The following FANCD2 variants were observed in gnomAD, a reference collection of about 807,000 sequenced individuals.
FANCD2 encodes Fanconi anemia group D2 protein.
In FANCD2, 131 loss-of-function variants were observed where a neutral mutation model predicts 192.3. That is an observed-to-expected ratio of 0.68 (90% CI 0.59 to 0.79). The LOEUF (loss-of-function observed/expected upper bound fraction) is 0.79, where lower values mean the gene tolerates loss of function less well. FANCD2 is among the 30% of genes least tolerant of loss of function. The probability of loss-of-function intolerance (pLI) is 0.00; values close to 1 mark genes in which losing one functional copy is unlikely to be tolerated. For missense variants in FANCD2, 1,508 were observed against 1,701.6 expected, an observed-to-expected ratio of 0.89 and a Z score of 2.00; for synonymous variants, 524 against 612.5, an observed-to-expected ratio of 0.86 and a Z score of 2.13.
intron 15 of FANCD2, among the ~76,000 whole-genome samples, 198 bp downstream of exon 15, chr3:10,046,921 G>C (rs1371366328): frequency 6.6e-6 from 1 of 152,292 alleles, no homozygotes; most frequent in Non-Finnish European, 1.5e-5. Flanking sequence ...TATTTAAGTA[G>C]CTTATAAAAA....
intron 2 of FANCD2, among the ~76,000 whole-genome samples, chr3:10,031,971 G>A (rs925338222): frequency 1.4e-4 from 22 of 151,964 alleles, no homozygotes; most frequent in African/African-American, 4.8e-4. Context: ...TCAGCCTCCC[G>A]AGTAGTTGGT....
At chr3:10,032,078 C>T (rs1003986881) in intron 2 of FANCD2, among the ~76,000 whole-genome samples, 3 of 152,098 alleles carry the variant, frequency 2.0e-5, no homozygotes, top group Admixed American at 1.3e-4. Context: ...CTCCTGACCT[C>T]AGGTAATCAG....
chr3:10,040,352 A>G (rs2124986696), intron 9 of FANCD2: 1 of 376,664 alleles, frequency 2.7e-6, no homozygotes, highest in South Asian at 2.0e-5. Context: ...ACTTTCTTTT[A>G]AATGGTATAC....
intron 24 of FANCD2, 121 bp from the exon 25 acceptor site, chr3:10,065,743 C>T: frequency 4.0e-6 from 3 of 744,020 alleles, no homozygotes; most frequent in African/African-American, 1.7e-5. Flanking sequence ...TTAATCAGAT[C>T]TTGGCCTTCA....
intron 26 of FANCD2, among the ~76,000 whole-genome samples, chr3:10,071,892 C>G (rs542354866): frequency 6.6e-6 from 1 of 150,974 alleles, no homozygotes; most frequent in Non-Finnish European, 1.5e-5. Context: ...CCTGAGTAGC[C>G]GGGACTAGAA....
intron 3 of FANCD2, among the ~76,000 whole-genome samples, chr3:10,034,219 G>C (rs535022465): frequency 5.0e-4 from 75 of 151,328 alleles, no homozygotes; most frequent in Non-Finnish European, 8.8e-4. Flanking sequence ...AGCTACTTGG[G>C]GGGGCTGAGG....
rs2087666489 is a variant in FANCD2, at chr3:10,064,721, C to A, written c.2022-8C>A. On this transcript the variant is annotated splice_region_variant and splice_polypyrimidine_tract_variant and intron_variant, in intron 22 of 43. Transcript: ENST00000675286. ...GCTGCAACATCAGATTCTGGTTTTT[C>A]TCCGCAGTGACTTTCCATTTCCTGT... 1 of 1,613,970 alleles carries A rather than the reference C, an allele frequency of 6.2e-7. No individual in the cohort carries two copies. Among genetic ancestry groups the A allele is most frequent in the African/African-American group, 1.3e-5 (1 of 74,944 alleles).
intron 12 of FANCD2, 37 bp from the exon 13 acceptor site, chr3:10,043,447 G>T: frequency 6.5e-7 from 1 of 1,528,050 alleles, no homozygotes; most frequent in Non-Finnish European, 9.1e-7. Flanking sequence ...TTTCTGGTAC[G>T]TAGAAGAGTA....
At chr3:10,084,133 A>G (rs1282054776) in intron 32 of FANCD2, among the ~76,000 whole-genome samples, 1 of 151,760 alleles carries the variant, frequency 6.6e-6, no homozygotes, top group Non-Finnish European at 1.5e-5. Context: ...AGCTGAGATT[A>G]CATGCGCCTG....
At chr3:10,092,299 A>G (rs1428720643) in intron 38 of FANCD2, 47 bp downstream of exon 38, 1 of 1,426,674 alleles carries the variant, frequency 7.0e-7, no homozygotes, top group Admixed American at 1.7e-5. Flanking sequence ...AACTGCAGAA[A>G]CCAAGTGTCC....
chr3:10,028,111 T>TA (rs1437450211), intron 1 of FANCD2, among the ~76,000 whole-genome samples: 1 of 151,854 alleles, frequency 6.6e-6, no homozygotes, highest in Non-Finnish European at 1.5e-5. Flanking sequence ...TGCTTCTCTT[T>TA]ACCACCCTTA....
intron 30 of FANCD2, among the ~76,000 whole-genome samples, chr3:10,079,680 A>G (rs186586094): frequency 9.2e-5 from 14 of 152,184 alleles, no homozygotes; most frequent in African/African-American, 3.4e-4. Context: ...CTTTACTTGA[A>G]TTTTGGTTTC....
chr3:10,069,508 C>T (rs529823667), intron 26 of FANCD2, among the ~76,000 whole-genome samples: 1 of 140,066 alleles, frequency 7.1e-6, no homozygotes, highest in East Asian at 2.5e-4. Context: ...CCCTCTGATG[C>T]CGAGCCAAAG....
In FANCD2 at chr3:10,093,316, G is replaced by A. The variant is rs774102652; in HGVS notation, c.3881G>A (p.Cys1294Tyr). 1 of 1,612,526 alleles carries A rather than the reference G, an allele frequency of 6.2e-7. No individual in the cohort carries two copies. The highest frequency in any genetic ancestry group is 8.5e-7 in the Non-Finnish European group (1 of 1,178,540). Residue 1294 changes from cysteine (C) to tyrosine (Y), a missense_variant, in exon 39 of 44, where the codon TGT (cysteine) becomes TAT (tyrosine). Cys to Tyr is a radical substitution (Grantham distance 194). Around this residue, in one of 5 missense-constraint regions of FANCD2, gnomAD observed 796 missense variants for 879.4 expected, o/e 0.91. Coordinates refer to ENST00000675286, the MANE Select transcript of FANCD2 (RefSeq NM_001018115.3). The stretch of plus-strand genomic sequence containing the variant: ...GATAGTCATCCTGTTCTGCATGTAT[G>A]TTTGAAGGTGAGAGATTTACTGGGC... ...VFDSHPVLHVCLKYGRLFVEA... is the reference protein window; with the variant it reads ...VFDSHPVLHVYLKYGRLFVEA...
intron 32 of FANCD2, 85 bp from the exon 33 acceptor site, chr3:10,085,727 T>G: frequency 1.1e-6 from 1 of 886,492 alleles, no homozygotes; most frequent in Non-Finnish European, 1.9e-6. Context: ...CTATTGATGG[T>G]ACAGACTGGA....
In FANCD2 at chr3:10,074,606, AG is replaced by A. The variant is rs780442060; in HGVS notation, c.2794del (p.Val932SerfsTer10). ...GCTTTTTTCCGAGAGCTGGACATTGAGGTCTTCTCTATTCTACATTGTGGAC... is the reference window on the plus strand; with the variant it reads ...GCTTTTTTCCGAGAGCTGGACATTGAGTCTTCTCTATTCTACATTGTGGAC... The part of the protein sequence containing the change: ...SHAFFRELDI[E>X]VFSILHCGLV... On this transcript the variant is annotated frameshift_variant, in exon 29 of 44. Coordinates refer to ENST00000675286, the MANE Select transcript of FANCD2 (RefSeq NM_001018115.3). LOFTEE classifies it high-confidence loss of function. The A allele has an allele frequency of 6.2e-7, 1 of 1,613,572 alleles. No individual in the cohort carries two copies. Among genetic ancestry groups the A allele is most frequent in the Non-Finnish European group, 8.5e-7 (1 of 1,179,590 alleles).
At chr3:10,071,758 C>G (rs1441994816) in intron 26 of FANCD2, among the ~76,000 whole-genome samples, 1 of 151,992 alleles carries the variant, frequency 6.6e-6, no homozygotes, top group Non-Finnish European at 1.5e-5. Flanking sequence ...TGAATAAGAT[C>G]TAGTTGTTTT....
In FANCD2 at chr3:10,041,693, C is replaced by A. The variant is rs755387164; in HGVS notation, c.766C>A (p.Pro256Thr). Residue 256 changes from proline to threonine, a missense_variant, in exon 10 of 44, where the codon CCA becomes ACA. Coordinates refer to ENST00000675286, the MANE Select transcript of FANCD2 (RefSeq NM_001018115.3). ...TGTCCTTTCAAGCCTCCGACTTGAC[C>A]CAAACTTCCTATTGAAGGTAGAAAA... ...LDVLSSLRLDPNFLLKVRQLV... is the reference protein window; with the variant it reads ...LDVLSSLRLDTNFLLKVRQLV... 8.1e-6 allele frequency: 13 copies of A among 1,613,206 alleles called. No homozygotes were observed. In the South Asian group the frequency reaches 1.4e-4, roughly 18 times the overall value.
At position 10,072,910 on chromosome 3, in the gene FANCD2, T is replaced by G; in HGVS notation, c.2534T>G (p.Val845Gly). ...GTCCCTCCTCTTGGAAACTTTGATG[T>G]GGAAACTTTAGATATAACACCTCAT... ...DYVPPLGNFD[V>G]ETLDITPHTV... is the part of the protein sequence containing the mutation. Residue 845 changes from valine (V) to glycine (G), a missense_variant, in exon 27 of 44, where the codon GTG becomes GGG. Coordinates refer to ENST00000675286, the MANE Select transcript of FANCD2 (RefSeq NM_001018115.3). 3 of 1,612,448 alleles carry G rather than the reference T, an allele frequency of 1.9e-6. No individual in the cohort carries two copies. Among genetic ancestry groups the G allele is most frequent in the Non-Finnish European group, 2.5e-6 (3 of 1,178,720 alleles).
Sources: allele counts gnomAD v4.1 joint callset (sites outside exome capture counted in the v4.1 genomes callset), GRCh38; gene constraint gnomAD v4.1.1; regional missense constraint gnomAD v4.1.1; transcripts MANE v1.5; gene names NCBI Gene and HGNC (gene_info 2026-07-23, HGNC 2026-07-21).